The following PTPRT variants were observed in gnomAD, a reference collection of about 807,000 sequenced individuals.
PTPRT encodes the protein receptor-type tyrosine-protein phosphatase T.
Under a neutral mutation model 176.8 loss-of-function variants are expected in PTPRT, and 56 were observed. The ratio of observed to expected loss-of-function variants is 0.32; its 90% CI spans 0.26 to 0.40. The LOEUF is 0.40. Ranked by LOEUF, PTPRT falls within the 10% of genes least tolerant of loss-of-function variation. The pLI, the probability that PTPRT is intolerant of heterozygous loss-of-function variation, is 1.00. For synonymous variants in PTPRT, 783 were observed against 739.0 expected (o/e 1.06, Z -0.96); for missense variants, 1,540 against 1,908.2 (o/e 0.81, Z 3.60).
At chr20:42,868,255 C>T (rs890562182) in intron 2 of PTPRT, among the ~76,000 whole-genome samples, 4 of 152,044 alleles carry the variant, frequency 2.6e-5, no homozygotes, top group African/African-American at 9.7e-5. Flanking sequence ...AGTATAGTCA[C>T]AAACAGAATG....
At chr20:42,270,713 G>A (rs745508238) in intron 13 of PTPRT, among the ~76,000 whole-genome samples, 1 of 152,210 alleles carries the variant, frequency 6.6e-6, no homozygotes, top group Non-Finnish European at 1.5e-5. Context: ...CACATATAAT[G>A]TTTCTAAGAT....
chr20:42,171,339 G>A (rs1990072119), intron 16 of PTPRT, among the ~76,000 whole-genome samples: 1 of 152,056 alleles, frequency 6.6e-6, no homozygotes, highest in Non-Finnish European at 1.5e-5. Context: ...AATCAAAACA[G>A]AATGAACTAT....
At chr20:42,564,938 T>C (rs990207250) in intron 7 of PTPRT, among the ~76,000 whole-genome samples, 20 of 152,092 alleles carry the variant, frequency 1.3e-4, no homozygotes, top group Admixed American at 1.3e-4. Flanking sequence ...AGAATTTTAG[T>C]ATCCAAGGAG....
At chr20:43,110,493 GT>G (rs1444344122) in intron 1 of PTPRT, among the ~76,000 whole-genome samples, 1 of 152,152 alleles carries the variant, frequency 6.6e-6, no homozygotes, top group African/African-American at 2.4e-5. Flanking sequence ...GTTAACAGAG[GT>G]TACCTTTGGG....
intron 1 of PTPRT, among the ~76,000 whole-genome samples, chr20:43,000,097 G>C (rs1472849930): frequency 7.1e-6 from 1 of 140,464 alleles, no homozygotes; most frequent in South Asian, 2.3e-4. Flanking sequence ...GAGGGAGGGA[G>C]GGAATAAAAA....
intron 9 of PTPRT, among the ~76,000 whole-genome samples, chr20:42,402,050 G>A (rs768868076): frequency 2.0e-5 from 3 of 152,144 alleles, no homozygotes; most frequent in Non-Finnish European, 1.5e-5. Flanking sequence ...GCTAAGAACT[G>A]TTAGGTGGTC....
chr20:43,170,794 C>G (rs1325227838), intron 1 of PTPRT, among the ~76,000 whole-genome samples: 3 of 152,226 alleles, frequency 2.0e-5, no homozygotes, highest in African/African-American at 7.2e-5. Context: ...TCAGCTCTCT[C>G]TGACTCCAAT....
intron 1 of PTPRT, among the ~76,000 whole-genome samples, chr20:43,166,882 T>C (rs1169178544): frequency 6.6e-6 from 1 of 152,166 alleles, no homozygotes; most frequent in Non-Finnish European, 1.5e-5. Flanking sequence ...CTGCCCTATA[T>C]GAGAGGAAAG....
chr20:42,317,790 C>A (rs996432189), intron 11 of PTPRT, among the ~76,000 whole-genome samples: 1 of 152,060 alleles, frequency 6.6e-6, no homozygotes, highest in South Asian at 2.1e-4. Context: ...TTCAGGCATG[C>A]GAAAAGGAAG....
intron 1 of PTPRT, among the ~76,000 whole-genome samples, chr20:42,999,615 TTTG>T (rs1555815038): frequency 2.0e-5 from 3 of 150,436 alleles, no homozygotes; most frequent in East Asian, 2.0e-4. Flanking sequence ...TGGTTTTTTT[TTTG>T]TTGTTGTTGT....
In PTPRT at chr20:42,079,793, C is replaced by T. The variant is rs1983133007; in HGVS notation, c.*1086G>A. 1 of 229,844 alleles carries T rather than the reference C, an allele frequency of 4.4e-6. No homozygotes were observed. Among genetic ancestry groups the T allele is most frequent in the South Asian group, 1.8e-4 (1 of 5,482 alleles). The allele number at this position is 229,844 out of a possible 1,614,324, so 14.2% of individuals were successfully genotyped here. A position where few individuals can be genotyped will look rare whatever the true frequency, so the allele number is the denominator to read the frequency against. ...TATTTGCCCCAGAAACCAAAGGGAC[C>T]ATCTTCAGGCTCACCCATCTCTCCT... On this transcript the variant is annotated 3_prime_UTR_variant, in exon 31 of 31. Coordinates refer to ENST00000373187, the MANE Select transcript of PTPRT (RefSeq NM_007050.6).
chr20:42,098,577 C>T (rs774234567), intron 26 of PTPRT, 25 bp from the exon 27 acceptor site: 21 of 1,613,294 alleles, frequency 1.3e-5, no homozygotes, highest in Admixed American at 3.3e-5. Context: ...ACACAGGCTT[C>T]GTAAATTACA....
intron 7 of PTPRT, among the ~76,000 whole-genome samples, chr20:42,559,550 G>A (rs2072915814): frequency 6.6e-6 from 1 of 152,106 alleles, no homozygotes; most frequent in South Asian, 2.1e-4. Context: ...TATTAAAGGA[G>A]GGACAGTAAG....
intron 25 of PTPRT, among the ~76,000 whole-genome samples, chr20:42,102,659 G>A (rs565397833): frequency 6.6e-6 from 1 of 152,202 alleles, no homozygotes; most frequent in African/African-American, 2.4e-5. Context: ...AGGGGTGGGG[G>A]TAGGGAATCC....
At chr20:42,489,967 T>TA (rs1247006361) in intron 7 of PTPRT, among the ~76,000 whole-genome samples, 2 of 152,162 alleles carry the variant, frequency 1.3e-5, no homozygotes, top group African/African-American at 4.8e-5. Flanking sequence ...CCCTGCACAG[T>TA]AAAAAAAGTT....
At chr20:42,188,238 G>A (rs1179937206) in intron 16 of PTPRT, among the ~76,000 whole-genome samples, 3 of 152,202 alleles carry the variant, frequency 2.0e-5, no homozygotes, top group Non-Finnish European at 4.4e-5. Flanking sequence ...GCTAAGGCCG[G>A]GGACACTTCA....
At chr20:42,134,430 G>A (rs1252318093) in intron 18 of PTPRT, among the ~76,000 whole-genome samples, 1 of 152,136 alleles carries the variant, frequency 6.6e-6, no homozygotes, top group Non-Finnish European at 1.5e-5. Context: ...TGGCTCCCCC[G>A]GCTCTCAGTT....
intron 2 of PTPRT, among the ~76,000 whole-genome samples, chr20:42,876,502 G>C (rs1364669596): frequency 6.6e-6 from 1 of 152,008 alleles, no homozygotes; most frequent in East Asian, 1.9e-4. Context: ...TTGCCCGAAG[G>C]ATCCTGGGAC....
chr20:42,457,364 T>G (rs937279849), intron 8 of PTPRT, among the ~76,000 whole-genome samples: 1 of 152,236 alleles, frequency 6.6e-6, no homozygotes, highest in African/African-American at 2.4e-5. Flanking sequence ...TATTTAGATA[T>G]TCTTACTGAG....
Sources: gnomAD v4.1 joint callset for allele counts (sites outside exome capture counted in the v4.1 genomes callset) on GRCh38, gnomAD v4.1.1 for gene constraint, MANE v1.5 for transcripts, NCBI Gene and HGNC (gene_info 2026-07-23, HGNC 2026-07-21) for gene names.